The following CNTLN variants were observed in gnomAD, a reference collection of about 807,000 sequenced individuals.
CNTLN encodes the protein centlein, centrosomal protein.
In CNTLN, 212 loss-of-function variants were observed where a neutral mutation model predicts 180.0. The observed-to-expected ratio is 1.18, with a 90% CI of 1.05 to 1.32. The LOEUF (loss-of-function observed/expected upper bound fraction) is 1.32. Ranked by LOEUF, CNTLN falls within the 40% of genes most tolerant of loss-of-function variation. The probability of loss-of-function intolerance (pLI) is 0.00; values close to 1 mark genes in which losing one functional copy is unlikely to be tolerated. For missense variants in CNTLN, 2,095 were observed against 1,610.9 expected (o/e 1.30, Z -5.14); for synonymous variants, 722 against 563.1 (o/e 1.28, Z -3.99).
At chr9:17,184,992 G>A (rs1325669903) in intron 2 of CNTLN, among the ~76,000 whole-genome samples, 1 of 152,124 alleles carries the variant, frequency 6.6e-6, no homozygotes, top group Admixed American at 6.5e-5. Flanking sequence ...CTTTATAAAA[G>A]CTTTAGCCAA....
chr9:17,337,316 A>G (rs1420066892), intron 10 of CNTLN, among the ~76,000 whole-genome samples: 3 of 152,038 alleles, frequency 2.0e-5, no homozygotes, highest in African/African-American at 7.3e-5. Flanking sequence ...TAGTTTTATT[A>G]GATCCCATTT....
At chr9:17,376,704 G>A (rs897851421) in intron 13 of CNTLN, among the ~76,000 whole-genome samples, 3 of 151,998 alleles carry the variant, frequency 2.0e-5, no homozygotes, top group Non-Finnish European at 4.4e-5. Flanking sequence ...GCCCACTTTG[G>A]CCTCCCAAAG....
Position 17,311,941 on chromosome 9 carries a change from T to C in CNTLN, c.1341+2689T>C, listed in dbSNP as rs371501602. On this transcript the variant is annotated intron_variant, in intron 8 of 25. Coordinates refer to ENST00000380647, the MANE Select transcript of CNTLN (RefSeq NM_017738.4). ...CTTACACTCCCTGATTTAAGACTTA[T>C]TTATTGAGCTAAAATATCAAGACAG... is the stretch of plus-strand genomic sequence containing the variant. Among the ~76,000 whole-genome samples, 9 of 152,274 alleles carry C rather than the reference T, an allele frequency of 5.9e-5. No individual in the cohort carries two copies. In the South Asian group the frequency reaches 1.5e-3, roughly 25 times the overall value.
chr9:17,392,897 A>T (rs538245577), intron 14 of CNTLN, among the ~76,000 whole-genome samples: 69 of 151,660 alleles, frequency 4.5e-4, no homozygotes, highest in Non-Finnish European at 8.7e-4. Flanking sequence ...AGTAAAGTTT[A>T]GTAAACTGGA....
At chr9:17,453,505 T>TA (rs909796052) in intron 18 of CNTLN, among the ~76,000 whole-genome samples, 4 of 151,894 alleles carry the variant, frequency 2.6e-5, no homozygotes, top group African/African-American at 9.7e-5. Context: ...AGGTGTTGAT[T>TA]AAAAAAAATC....
intron 2 of CNTLN, among the ~76,000 whole-genome samples, chr9:17,207,443 G>A (rs1339317769): frequency 6.6e-6 from 1 of 152,114 alleles, no homozygotes; most frequent in Non-Finnish European, 1.5e-5. Flanking sequence ...TGCCCAAAGA[G>A]CAGCTCAGCT....
At chr9:17,439,384 G>A (rs2134029772) in intron 18 of CNTLN, among the ~76,000 whole-genome samples, 2 of 152,242 alleles carry the variant, frequency 1.3e-5, no homozygotes, top group East Asian at 3.9e-4. Context: ...CACAAGTGAA[G>A]TAGAAAATAC....
chr9:17,320,304 A>T lies in CNTLN; in HGVS notation c.1342-10328A>T, dbSNP rs113603607. 2.2e-3 allele frequency among the ~76,000 whole-genome samples: 333 copies of T among 152,278 alleles called. 1 individual carries two copies. The highest frequency in any genetic ancestry group is 7.6e-3 in the African/African-American group (317 of 41,560). Reference sequence around the variant, plus strand: ...TTATTACAAAATATTTGCAACCTCTAGAAGAATAAATGTAATGTCTGTATA... The same window carrying T: ...TTATTACAAAATATTTGCAACCTCTTGAAGAATAAATGTAATGTCTGTATA... On this transcript the variant is annotated intron_variant, in intron 8 of 25. Coordinates refer to ENST00000380647, the MANE Select transcript of CNTLN (RefSeq NM_017738.4).
intron 23 of CNTLN, among the ~76,000 whole-genome samples, chr9:17,478,337 A>C (rs1452975055): frequency 6.6e-6 from 1 of 152,040 alleles, no homozygotes; most frequent in East Asian, 1.9e-4. Flanking sequence ...TGTGATTTGA[A>C]AATATTTGTC....
chr9:17,186,884 C>G (rs1821465595), intron 2 of CNTLN, among the ~76,000 whole-genome samples: 1 of 151,930 alleles, frequency 6.6e-6, no homozygotes, highest in South Asian at 2.1e-4. Context: ...AGACTACCTA[C>G]TTAATTTTTT....
In CNTLN at chr9:17,295,431, A is replaced by G. The variant is rs140451004; in HGVS notation, c.984-2759A>G. ...CTCACCATTTCCCTTGGCTGGTGGT[A>G]GGAGCTCGCATTACTCTGTGTGGCT... On this transcript the variant is annotated intron_variant, in intron 6 of 25. Transcript: ENST00000380647. 2.9e-3 allele frequency among the ~76,000 whole-genome samples: 448 copies of G among 152,280 alleles called. 2 individuals are homozygous for G. The highest frequency in any genetic ancestry group is 4.0e-3 in the Non-Finnish European group (270 of 68,006).
chr9:17,266,393 G>A (rs1268317773), intron 5 of CNTLN, among the ~76,000 whole-genome samples: 1 of 152,154 alleles, frequency 6.6e-6, no homozygotes. Context: ...TTGCACTGTG[G>A]TCTGAGAGAC....
rs1459888692 is a variant in CNTLN, at chr9:17,344,698, A to C, written c.1886+2254A>C. On this transcript the variant is annotated intron_variant, in intron 12 of 25. Transcript: ENST00000380647. ...TGTCATGATAAAACAATAAGGCATT[A>C]AATATCAGTGCTATAGTCATTCAAG... Among the ~76,000 whole-genome samples the C allele has an allele frequency of 3.3e-5, 5 of 152,226 alleles. No homozygotes were observed. The East Asian group carries it at 9.6e-4, about 29-fold the overall frequency.
At chr9:17,312,023 T>C (rs1419051170) in intron 8 of CNTLN, among the ~76,000 whole-genome samples, 3 of 151,848 alleles carry the variant, frequency 2.0e-5, no homozygotes, top group Non-Finnish European at 4.4e-5. Flanking sequence ...CCAGATTATA[T>C]GCCTGTTCAT....
At chr9:17,496,003 G>A (rs1429779743) in intron 25 of CNTLN, among the ~76,000 whole-genome samples, 1 of 152,102 alleles carries the variant, frequency 6.6e-6, no homozygotes, top group East Asian at 1.9e-4. Context: ...TCTAGGTTTG[G>A]ACAACGCCAA....
chr9:17,464,127 T>A (rs1831608597), intron 20 of CNTLN, among the ~76,000 whole-genome samples: 1 of 151,476 alleles, frequency 6.6e-6, no homozygotes, highest in South Asian at 2.1e-4. Flanking sequence ...GATTTTTTTC[T>A]TATCATTTTT....
intron 2 of CNTLN, among the ~76,000 whole-genome samples, chr9:17,198,890 T>C (rs998697416): frequency 6.6e-6 from 1 of 152,300 alleles, no homozygotes; most frequent in East Asian, 1.9e-4. Context: ...TAGTATTCTA[T>C]GGTGTATATG....
intron 12 of CNTLN, among the ~76,000 whole-genome samples, chr9:17,355,547 AGTT>A (rs1194213243): frequency 5.3e-5 from 8 of 152,236 alleles, no homozygotes; most frequent in African/African-American, 1.9e-4. Flanking sequence ...GTTTTTCTGT[AGTT>A]GTTTAATAGT....
At chr9:17,352,163 T>C (rs1192949650) in intron 12 of CNTLN, among the ~76,000 whole-genome samples, 1 of 151,998 alleles carries the variant, frequency 6.6e-6, no homozygotes, top group Non-Finnish European at 1.5e-5. Context: ...CTTTTGGTCA[T>C]TTTTCCTTAA....
Sources: gnomAD v4.1 joint callset for allele counts (sites outside exome capture counted in the v4.1 genomes callset) on GRCh38, gnomAD v4.1.1 for gene constraint, MANE v1.5 for transcripts, NCBI Gene and HGNC (gene_info 2026-07-23, HGNC 2026-07-21) for gene names.